CAB39L: variants seen among roughly 807,000 people sequenced by gnomAD.
The protein encoded by CAB39L is calcium binding protein 39 like, also known as calcium-binding protein 39-like.
A neutral mutation model predicts 39.1 loss-of-function variants in CAB39L; 23 were observed. That is an observed-to-expected ratio of 0.59 (90% CI 0.42 to 0.83). CAB39L has a LOEUF of 0.83. Among genes scored for constraint, CAB39L ranks in the 40% least tolerant of loss-of-function variants. The pLI is 0.00. For missense variants in CAB39L, 366 were observed against 391.9 expected (o/e 0.93, Z 0.56); for synonymous variants, 126 against 137.2 (o/e 0.92, Z 0.57).
intron 10 of CAB39L, among the ~76,000 whole-genome samples, chr13:49,321,807 T>C (rs1029114782): frequency 6.6e-6 from 1 of 152,192 alleles, no homozygotes; most frequent in Non-Finnish European, 1.5e-5. Context: ...TTTTTCAGCA[T>C]TTTAATGTTG....
intron 9 of CAB39L, among the ~76,000 whole-genome samples, chr13:49,339,121 AT>A (rs941011009): frequency 4.2e-5 from 6 of 143,056 alleles, no homozygotes; most frequent in African/African-American, 1.6e-4. Context: ...TGCATTTTAC[AT>A]GTCTTTTTTT....
chr13:49,348,022 G>A (rs981458056), intron 7 of CAB39L, among the ~76,000 whole-genome samples: 1 of 151,856 alleles, frequency 6.6e-6, no homozygotes, highest in Non-Finnish European at 1.5e-5. Context: ...GACCTCCCCT[G>A]TGGGCTCCTC....
At position 49,308,747 on chromosome 13, in the gene CAB39L, A is replaced by G. The variant is rs1344341833; in HGVS notation, c.*2067T>C. ...AGAATTCAATTCTCACAGTATTTAC[A>G]GTGAACTTTGTGCAAACAAATCCCC... On this transcript the variant is annotated 3_prime_UTR_variant, in exon 11 of 11. Transcript: ENST00000409308. 1 of 152,638 alleles carries G rather than the reference A, an allele frequency of 6.6e-6. No homozygotes were observed. The highest frequency in any genetic ancestry group is 1.5e-5 in the Non-Finnish European group (1 of 68,040). The allele number at this position is 152,638 out of a possible 1,614,324, so 9.5% of individuals were successfully genotyped here.
At chr13:49,388,475 T>A (rs933638469) in intron 3 of CAB39L, among the ~76,000 whole-genome samples, 2 of 152,100 alleles carry the variant, frequency 1.3e-5, no homozygotes, top group African/African-American at 4.8e-5. Context: ...ATGAACCAAA[T>A]GCCCCAAGGC....
chr13:49,343,062 G>C (rs972672623), intron 8 of CAB39L, among the ~76,000 whole-genome samples: 1 of 152,080 alleles, frequency 6.6e-6, no homozygotes, highest in Non-Finnish European at 1.5e-5. Context: ...ATTTCTACTG[G>C]ACAGCACTGA....
At chr13:49,395,829 TGGCAGGG>T (rs1312910813) in intron 3 of CAB39L, among the ~76,000 whole-genome samples, 1 of 151,928 alleles carries the variant, frequency 6.6e-6, no homozygotes, top group African/African-American at 2.4e-5. Context: ...AAAGGAGAGT[TGGCAGGG>T]GGCAGGGGGG....
chr13:49,327,925 T>C (rs1277134829), intron 10 of CAB39L, among the ~76,000 whole-genome samples: 2 of 152,222 alleles, frequency 1.3e-5, no homozygotes, highest in Non-Finnish European at 2.9e-5. Flanking sequence ...TTCTTAGAAA[T>C]TGTAACTTTA....
In CAB39L at chr13:49,417,496, A is replaced by G. The variant is rs149703699; in HGVS notation, c.-32+15822T>C. On this transcript the variant is annotated intron_variant, in intron 3 of 10. Transcript: ENST00000409308. ...GATAGAAATTACATTTTCCTTCTACAGTGAAGCCAACATGTCCTGTAATGT... is the reference window on the plus strand; with the variant it reads ...GATAGAAATTACATTTTCCTTCTACGGTGAAGCCAACATGTCCTGTAATGT... Among the ~76,000 whole-genome samples the G allele has an allele frequency of 3.8e-3, 582 of 152,348 alleles. 2 individuals carry two copies. The highest frequency in any genetic ancestry group is 0.013 in the African/African-American group (559 of 41,592).
chr13:49,344,603 G>C (rs199955174), intron 7 of CAB39L, among the ~76,000 whole-genome samples: 5 of 148,414 alleles, frequency 3.4e-5, no homozygotes, highest in Non-Finnish European at 7.4e-5. Flanking sequence ...CTCACTGCAA[G>C]CTCTGCCTCC....
chr13:49,370,302 G>A (rs1241885234), intron 5 of CAB39L, among the ~76,000 whole-genome samples: 1 of 152,164 alleles, frequency 6.6e-6, no homozygotes, highest in African/African-American at 2.4e-5. Flanking sequence ...AAATCCATCT[G>A]TGGGAATTTA....
intron 1 of CAB39L, among the ~76,000 whole-genome samples, chr13:49,436,472 T>C (rs116461728): frequency 0.011 from 1,687 of 152,076 alleles, 29 homozygotes; most frequent in African/African-American, 0.038. Flanking sequence ...GTTGTTTTCA[T>C]ACCTTTTCTC....
rs79938751 is a variant in CAB39L, at chr13:49,398,993, T to C, written c.-31-16052A>G. On this transcript the variant is annotated intron_variant, in intron 3 of 10. Coordinates refer to ENST00000409308, the MANE Select transcript of CAB39L (RefSeq NM_001079670.3). Reference sequence around the variant, plus strand: ...CTTGTTCTCTTCAGAGTTAGACCTATTCTATCTTACTTTTGCTTTGTTCAC... The same window carrying C: ...CTTGTTCTCTTCAGAGTTAGACCTACTCTATCTTACTTTTGCTTTGTTCAC... Among the ~76,000 whole-genome samples the C allele has an allele frequency of 1.3e-4, 20 of 152,236 alleles. No homozygotes were observed. In the East Asian group the frequency reaches 3.9e-3, roughly 29 times the overall value.
At chr13:49,339,460 C>A (rs1954940713) in intron 9 of CAB39L, among the ~76,000 whole-genome samples, 1 of 152,182 alleles carries the variant, frequency 6.6e-6, no homozygotes, top group African/African-American at 2.4e-5. Context: ...TTTTACTTAT[C>A]ATGTACTTAT....
At chr13:49,402,124 T>C (rs911918692) in intron 3 of CAB39L, among the ~76,000 whole-genome samples, 1 of 152,166 alleles carries the variant, frequency 6.6e-6, no homozygotes, top group Non-Finnish European at 1.5e-5. Context: ...GCAAACCAAA[T>C]GTAATTATTG....
intron 3 of CAB39L, among the ~76,000 whole-genome samples, chr13:49,403,179 T>C (rs532533860): frequency 6.6e-6 from 1 of 152,210 alleles, no homozygotes; most frequent in East Asian, 1.9e-4. Flanking sequence ...TACCATTCCA[T>C]TTTCCAACAG....
At chr13:49,339,416 C>T (rs1211969029) in intron 9 of CAB39L, among the ~76,000 whole-genome samples, 1 of 152,144 alleles carries the variant, frequency 6.6e-6, no homozygotes, top group East Asian at 1.9e-4. Context: ...CAGGCGTAAG[C>T]CAAGATGCCT....
intron 3 of CAB39L, among the ~76,000 whole-genome samples, chr13:49,392,273 T>C (rs1394095098): frequency 6.6e-6 from 1 of 152,142 alleles, no homozygotes; most frequent in Non-Finnish European, 1.5e-5. Flanking sequence ...TTAGGTACAA[T>C]AAAGGCTATA....
intron 3 of CAB39L, among the ~76,000 whole-genome samples, chr13:49,405,406 G>A (rs1268950195): frequency 1.3e-5 from 2 of 149,996 alleles, no homozygotes; most frequent in African/African-American, 4.9e-5. Context: ...CATCAACCCA[G>A]ACCTGTCCTA....
At chr13:49,329,739 A>T (rs1414182350) in intron 10 of CAB39L, among the ~76,000 whole-genome samples, 2 of 151,850 alleles carry the variant, frequency 1.3e-5, no homozygotes, top group Non-Finnish European at 2.9e-5. Context: ...AAAAACTGAG[A>T]TCAGGTGCCA....
Sources: allele counts gnomAD v4.1 joint callset (sites outside exome capture counted in the v4.1 genomes callset), GRCh38; gene constraint gnomAD v4.1.1; transcripts MANE v1.5; gene names NCBI Gene and HGNC (gene_info 2026-07-23, HGNC 2026-07-21).